SLC35F5: variants seen among roughly 807,000 people sequenced by gnomAD.
SLC35F5 encodes the protein solute carrier family 35 member F5.
Under a neutral mutation model 68.6 loss-of-function variants are expected in SLC35F5, and 54 were observed. The observed-to-expected ratio is 0.79, with a 90% CI of 0.63 to 0.99. SLC35F5 has a LOEUF of 0.99. Ranked by LOEUF, SLC35F5 falls within the 50% of genes least tolerant of loss-of-function variation. SLC35F5 has a pLI of 0.00. For synonymous variants in SLC35F5, 211 were observed against 205.2 expected (o/e 1.03, Z -0.24); for missense variants, 567 against 626.9 (o/e 0.90, Z 1.02).
intron 14 of SLC35F5, among the ~76,000 whole-genome samples, chr2:113,718,146 C>T (rs1336975103): frequency 6.6e-6 from 1 of 152,052 alleles, no homozygotes; most frequent in Admixed American, 6.6e-5. Flanking sequence ...TGTAGTGGTG[C>T]TATTATAGTT....
chr2:113,704,573 C>T (rs1373236650), downstream of SLC35F5, among the ~76,000 whole-genome samples: 2 of 152,108 alleles, frequency 1.3e-5, no homozygotes, highest in African/African-American at 4.8e-5. Flanking sequence ...TAAGGCCCGG[C>T]GAGAAATCGA....
At chr2:113,746,158 C>A in intron 5 of SLC35F5, 119 bp downstream of exon 5, 1 of 756,286 alleles carries the variant, frequency 1.3e-6, no homozygotes, top group Non-Finnish European at 2.3e-6. Context: ...ATGATGGGCA[C>A]CCAATATTGA....
downstream of SLC35F5, among the ~76,000 whole-genome samples, chr2:113,704,537 C>T (rs986016177): frequency 4.6e-5 from 7 of 152,180 alleles, no homozygotes; most frequent in African/African-American, 1.2e-4. Flanking sequence ...CTGCAGGTCC[C>T]GAGCCCTGCC....
chr2:113,756,039 C>T (rs1347775061), intron 1 of SLC35F5: 1 of 1,472,818 alleles, frequency 6.8e-7, no homozygotes, highest in Non-Finnish European at 9.0e-7. Context: ...CCATGCTCCT[C>T]CACCCACCTC....
rs201703620 is a variant in SLC35F5 at position 113,755,281 on chromosome 2, T to C, written c.157A>G (p.Met53Val). The C allele has an allele frequency of 4.3e-6, 7 of 1,614,184 alleles. No individual in the cohort carries two copies. In the African/African-American group the frequency reaches 5.3e-5, roughly 12 times the overall value. Reference protein sequence around the residue: ...TRLQMVCVFVMNRMNSQNSGF... With the variant: ...TRLQMVCVFVVNRMNSQNSGF... Reference sequence around the variant, plus strand: ...CTGTTCTGGGAATTCATTCGGTTCATGACAAATACACACACCATTTGCAGT... The same window carrying C: ...CTGTTCTGGGAATTCATTCGGTTCACGACAAATACACACACCATTTGCAGT... Residue 53 changes from methionine (M) to valine (V), a missense_variant, in exon 3 of 16, where the codon ATG becomes GTG. Coordinates refer to ENST00000245680, the MANE Select transcript of SLC35F5 (RefSeq NM_025181.5).
rs779835946 is a variant in SLC35F5 at position 113,719,332 on chromosome 2, A to G, written c.1342-24T>C. 85 of 1,531,846 alleles carry G rather than the reference A, an allele frequency of 5.5e-5. 1 individual carries two copies. In the South Asian group the frequency reaches 1.1e-3, roughly 19 times the overall value. 94.9% of individuals were successfully genotyped at this position (1,531,846 alleles called of 1,614,324 possible). A position where few individuals can be genotyped will look rare whatever the true frequency, so the allele number is the denominator to read the frequency against. On this transcript the variant is annotated intron_variant, in intron 13 of 15. Transcript: ENST00000245680. ...ACCTAAAAATAAAAGATAGAGGAAA[A>G]AACACACCCACAATTATCATTAAGG...
intron 15 of SLC35F5, among the ~76,000 whole-genome samples, chr2:113,716,247 T>C (rs1407967076): frequency 3.3e-5 from 5 of 152,150 alleles, no homozygotes; most frequent in African/African-American, 4.8e-5. Context: ...ATAATGTCTA[T>C]AGAAAAAGCA....
chr2:113,756,445 C>T lies in SLC35F5; in HGVS notation c.-36G>A. On this transcript the variant is annotated 5_prime_UTR_variant, in exon 1 of 16. Coordinates refer to ENST00000245680, the MANE Select transcript of SLC35F5 (RefSeq NM_025181.5). ...GTCAGGCCCCGCAGCCGCCCAGCGC[C>T]ACGGCCGCGGCCTCGGACTCACAGA... 1 of 1,539,816 alleles carries T rather than the reference C, an allele frequency of 6.5e-7. No individual in the cohort carries two copies. Among genetic ancestry groups the T allele is most frequent in the Non-Finnish European group, 8.7e-7 (1 of 1,145,336 alleles).
rs59207776 is a variant in SLC35F5 at position 113,734,457 on chromosome 2, C to G, written c.920+129G>C. ...GTGACAGGGCTAAGTAGCATCATGTCCACTTAAAGCCTTCTTTTATCCACA... is the reference window on the plus strand; with the variant it reads ...GTGACAGGGCTAAGTAGCATCATGTGCACTTAAAGCCTTCTTTTATCCACA... On this transcript the variant is annotated intron_variant, in intron 9 of 15. Coordinates refer to ENST00000245680, the MANE Select transcript of SLC35F5 (RefSeq NM_025181.5). 3,556 of 599,634 alleles carry G rather than the reference C, an allele frequency of 5.9e-3. 92 individuals carry two copies. Among genetic ancestry groups the G allele is most frequent in the African/African-American group, 0.055 (2,917 of 53,330 alleles). 37.1% of individuals were successfully genotyped at this position (599,634 alleles called of 1,614,324 possible). A position where few individuals can be genotyped will look rare whatever the true frequency, so the allele number is the denominator to read the frequency against.
At chr2:113,730,521 T>C (rs1041582291) in intron 10 of SLC35F5, among the ~76,000 whole-genome samples, 12 of 152,210 alleles carry the variant, frequency 7.9e-5, no homozygotes, top group African/African-American at 2.7e-4. Flanking sequence ...CACTGGGTAG[T>C]AGCTAGGAAC....
At position 113,752,357 on chromosome 2, in the gene SLC35F5, G is replaced by A. The variant is rs141920448; in HGVS notation, c.274-1789C>T. Among the ~76,000 whole-genome samples the A allele has an allele frequency of 3.3e-3, 508 of 152,032 alleles. 9 individuals carry two copies. The highest frequency in any genetic ancestry group is 0.012 in the African/African-American group (479 of 41,454). ...AATACTTTATCTAGACAACTTAAAC[G>A]TGGATATTCAACTATTACCTAAAAG... On this transcript the variant is annotated intron_variant, in intron 3 of 15. Transcript: ENST00000245680.
chr2:113,726,972 T>C (rs929175286), intron 11 of SLC35F5, among the ~76,000 whole-genome samples: 2 of 152,156 alleles, frequency 1.3e-5, no homozygotes, highest in Non-Finnish European at 2.9e-5. Flanking sequence ...AGCCCAACTA[T>C]TATGGTTTGG....
chr2:113,743,962 T>C (rs1676385428), intron 5 of SLC35F5, 168 bp from the exon 6 acceptor site: 3 of 458,262 alleles, frequency 6.5e-6, no homozygotes, highest in South Asian at 1.0e-4. Flanking sequence ...AACAGATCCA[T>C]ACAGCTACAA....
rs1396158705 is a variant in SLC35F5 at position 113,753,178 on chromosome 2, T to C, written c.273+1987A>G. Among the ~76,000 whole-genome samples the C allele has an allele frequency of 2.7e-3, 317 of 119,570 alleles. 16 individuals carry two copies. Among genetic ancestry groups the C allele is most frequent in the African/African-American group, 8.1e-3 (279 of 34,340 alleles). 78.4% of individuals were successfully genotyped at this position (119,570 alleles called of 152,430 possible). On this transcript the variant is annotated intron_variant, in intron 3 of 15. Coordinates refer to ENST00000245680, the MANE Select transcript of SLC35F5 (RefSeq NM_025181.5). ...CCAAAGTTTGTTTTTCTTTTTTTTT[T>C]TTTTTTTTTTTTTTTTTGCTAAGGA...
In SLC35F5 at chr2:113,707,688, T is replaced by C. The variant is rs1253502170; in HGVS notation, c.*7530A>G. ...GATTCTCCTACCTCAGCCTCACAAG[T>C]AGCTGGGACTACAGGCGTGCACCAC... On this transcript the variant is annotated 3_prime_UTR_variant, in exon 16 of 16. Transcript: ENST00000245680. 6.6e-6 allele frequency among the ~76,000 whole-genome samples: 1 copy of C among 152,130 alleles called. No homozygotes were observed. Among genetic ancestry groups the C allele is most frequent in the African/African-American group, 2.4e-5 (1 of 41,426 alleles).
intron 13 of SLC35F5, 142 bp from the exon 14 acceptor site, chr2:113,719,450 A>G: frequency 1.6e-6 from 1 of 609,500 alleles, no homozygotes; most frequent in South Asian, 3.1e-5. Flanking sequence ...CAATGTATTA[A>G]GTGTATTATT....
downstream of SLC35F5, chr2:113,703,970 T>G (rs1301926463): frequency 6.6e-6 from 1 of 152,486 alleles, no homozygotes; most frequent in Non-Finnish European, 1.5e-5. Flanking sequence ...ATGTCCGGAG[T>G]TGGTTCCTTC....
At chr2:113,715,718 G>A (rs1449922900) in intron 15 of SLC35F5, among the ~76,000 whole-genome samples, 3 of 151,790 alleles carry the variant, frequency 2.0e-5, no homozygotes, top group Middle Eastern at 3.4e-3. Context: ...TTAGGTCCCC[G>A]AATAACATTT....
intron 8 of SLC35F5, 41 bp downstream of exon 8, chr2:113,735,736 C>T: frequency 1.5e-6 from 2 of 1,335,330 alleles, no homozygotes; most frequent in Non-Finnish European, 2.1e-6. Context: ...GAAATACATA[C>T]ACTGATTTAT....
Sources: allele counts gnomAD v4.1 joint callset (sites outside exome capture counted in the v4.1 genomes callset), GRCh38; gene constraint gnomAD v4.1.1; transcripts MANE v1.5; gene names NCBI Gene and HGNC (gene_info 2026-07-23, HGNC 2026-07-21).